PPM1B: variants seen among roughly 807,000 people sequenced by gnomAD.
PPM1B encodes protein phosphatase, Mg2+/Mn2+ dependent 1B.
Under a neutral mutation model 43.0 loss-of-function variants are expected in PPM1B, and 22 were observed. The observed-to-expected ratio is 0.51, with a 90% CI of 0.37 to 0.73. The LOEUF is 0.73. PPM1B is among the 30% of genes least tolerant of loss of function. The pLI is 0.00. For missense variants in PPM1B, 632 were observed against 584.2 expected (o/e 1.08, Z -0.84); for synonymous variants, 217 against 197.9 (o/e 1.10, Z -0.81).
Position 44,191,504 on chromosome 2 carries a change from G to A in PPM1B, c.-14-9682G>A, listed in dbSNP as rs572532542. Among the ~76,000 whole-genome samples, 49 of 152,238 alleles carry A rather than the reference G, an allele frequency of 3.2e-4. No individual in the cohort carries two copies. In the Middle Eastern group the frequency reaches 0.01, roughly 32 times the overall value. ...GCTGGGATTACAGGCGTGAGCCACCGCTCCCAGCTTCTGCTTTGTAAGTTT... is the reference window on the plus strand; with the variant it reads ...GCTGGGATTACAGGCGTGAGCCACCACTCCCAGCTTCTGCTTTGTAAGTTT... On this transcript the variant is annotated intron_variant, in intron 1 of 5. Transcript: ENST00000282412.
At chr2:44,233,448 T>C, downstream of PPM1B, 2 of 983,682 alleles carry the variant, frequency 2.0e-6, no homozygotes, top group Non-Finnish European at 2.4e-6. Flanking sequence ...GAGTTTTGCA[T>C]GTATTAAATT....
chr2:44,172,544 C>G (rs377354675), intron 1 of PPM1B, among the ~76,000 whole-genome samples: 2 of 152,194 alleles, frequency 1.3e-5, no homozygotes, highest in Non-Finnish European at 2.9e-5. Context: ...TTGGTGTTTA[C>G]TTACATCAAT....
At chr2:44,213,287 A>T in intron 3 of PPM1B, among the ~76,000 whole-genome samples, 1 of 150,806 alleles carries the variant, frequency 6.6e-6, no homozygotes, top group East Asian at 1.9e-4. Context: ...AAGCTCTTCC[A>T]CTCAAGGTTA....
chr2:44,221,155 A>C (rs1325319757), intron 5 of PPM1B, among the ~76,000 whole-genome samples: 1 of 152,224 alleles, frequency 6.6e-6, no homozygotes, highest in Non-Finnish European at 1.5e-5. Flanking sequence ...GTAGTTGTGA[A>C]ATAATTACAG....
intron 2 of PPM1B, among the ~76,000 whole-genome samples, chr2:44,203,632 T>A (rs994880648): frequency 1.1e-4 from 17 of 152,166 alleles, no homozygotes; most frequent in African/African-American, 3.1e-4. Flanking sequence ...GTGTGTGTAT[T>A]TTTATAAAAC....
chr2:44,171,698 C>T (rs1279590452), intron 1 of PPM1B, among the ~76,000 whole-genome samples: 1 of 151,928 alleles, frequency 6.6e-6, no homozygotes, highest in Non-Finnish European at 1.5e-5. Context: ...GGTGCGGTGG[C>T]GCGTGCTTGT....
chr2:44,194,766 A>C (rs1668577983), intron 1 of PPM1B, among the ~76,000 whole-genome samples: 1 of 152,160 alleles, frequency 6.6e-6, no homozygotes, highest in African/African-American at 2.4e-5. Context: ...ATCAGCATTC[A>C]TTATGCAAAT....
rs1667164173 is a variant in PPM1B at position 44,168,899 on chromosome 2, C to T, written c.-390C>T. 1 of 153,126 alleles carries T rather than the reference C, an allele frequency of 6.5e-6. No homozygotes were observed. The highest frequency in any genetic ancestry group is 6.5e-5 in the Admixed American group (1 of 15,292). The allele number at this position is 153,126 out of a possible 1,614,324, so 9.5% of individuals were successfully genotyped here. ...TGCAAAAGGAGCCGAGCGGCTTCTG[C>T]TCAATGGCGGAAAAGCCGCCGGTGC... is the stretch of plus-strand genomic sequence containing the variant. On this transcript the variant is annotated 5_prime_UTR_variant, in exon 1 of 6. Coordinates refer to ENST00000282412, the MANE Select transcript of PPM1B (RefSeq NM_002706.6).
At chr2:44,195,053 G>A (rs548523550) in intron 1 of PPM1B, among the ~76,000 whole-genome samples, 1 of 151,766 alleles carries the variant, frequency 6.6e-6, no homozygotes, top group East Asian at 2.0e-4. Flanking sequence ...CACCACACCA[G>A]GGCTAATTTT....
chr2:44,209,102 A>C, intron 2 of PPM1B, 108 bp from the exon 3 acceptor site: 1 of 1,007,982 alleles, frequency 9.9e-7, no homozygotes, highest in Non-Finnish European at 1.4e-6. Flanking sequence ...TGTTAAACAT[A>C]AACGTTCTGG....
At chr2:44,215,438 A>C (rs951622423) in intron 3 of PPM1B, among the ~76,000 whole-genome samples, 1 of 152,100 alleles carries the variant, frequency 6.6e-6, no homozygotes, top group East Asian at 1.9e-4. Context: ...AGCCTGGGCC[A>C]CAGAGTAAGA....
At chr2:44,232,787 G>A (rs1172595748), downstream of PPM1B, 1 of 985,244 alleles carries the variant, frequency 1.0e-6, no homozygotes, top group Admixed American at 6.1e-5. Context: ...CAAGTTGGAA[G>A]CCTTTTGCAG....
downstream of PPM1B, chr2:44,233,615 T>TTGC: frequency 1.0e-6 from 1 of 985,840 alleles, no homozygotes; most frequent in Non-Finnish European, 1.2e-6. Context: ...CAGGATGTAA[T>TTGC]TGCCCTTGTG....
chr2:44,228,789 A>G (rs1220733169), intron 5 of PPM1B, among the ~76,000 whole-genome samples: 2 of 152,054 alleles, frequency 1.3e-5, no homozygotes, highest in Non-Finnish European at 2.9e-5. Flanking sequence ...TTCTTTTTAT[A>G]TCTACTGTTT....
downstream of PPM1B, among the ~76,000 whole-genome samples, chr2:44,245,423 C>T (rs1353247892): frequency 6.6e-6 from 1 of 152,110 alleles, no homozygotes; most frequent in Non-Finnish European, 1.5e-5. Context: ...TGCTTCTTCT[C>T]CTCAGTTGTC....
At chr2:44,213,416 G>C (rs1669575085) in intron 3 of PPM1B, among the ~76,000 whole-genome samples, 1 of 151,052 alleles carries the variant, frequency 6.6e-6, no homozygotes, top group East Asian at 1.9e-4. Context: ...GTTGAATTTG[G>C]CCATTTTGTA....
At chr2:44,169,331 G>A (rs1168902032) in intron 1 of PPM1B, 57 bp downstream of exon 1, 1 of 152,354 alleles carries the variant, frequency 6.6e-6, no homozygotes, top group Non-Finnish European at 1.5e-5. Flanking sequence ...GCGCCGCCGA[G>A]GCCCCGGGCC....
rs67959948 is a variant in PPM1B at position 44,188,393 on chromosome 2, CTT to C, written c.-14-12774_-14-12773del. Among the ~76,000 whole-genome samples, 324 of 92,290 alleles carry C rather than the reference CTT, an allele frequency of 3.5e-3. 1 individual carries two copies. Among genetic ancestry groups the C allele is most frequent in the African/African-American group, 0.01 (223 of 22,168 alleles). 60.5% of individuals were successfully genotyped at this position (92,290 alleles called of 152,430 possible). A position where few individuals can be genotyped will look rare whatever the true frequency, so the allele number is the denominator to read the frequency against. Reference sequence around the variant, plus strand: ...TGCTGCTGAGTTTCTTTCTTTCTTTCTTTTTTTTTTTTTTTTTTTTGAGACAG... The same window carrying C: ...TGCTGCTGAGTTTCTTTCTTTCTTTCTTTTTTTTTTTTTTTTTTGAGACAG... On this transcript the variant is annotated intron_variant, in intron 1 of 5. Transcript: ENST00000282412.
At chr2:44,233,307 A>G (rs1296816766), downstream of PPM1B, 2 of 953,886 alleles carry the variant, frequency 2.1e-6, no homozygotes, top group Non-Finnish European at 2.5e-6. Flanking sequence ...AGGAAATACT[A>G]CAGAGATATT....
Sources: gnomAD v4.1 joint callset for allele counts (sites outside exome capture counted in the v4.1 genomes callset) on GRCh38, gnomAD v4.1.1 for gene constraint, MANE v1.5 for transcripts, NCBI Gene and HGNC (gene_info 2026-07-23, HGNC 2026-07-21) for gene names.